POLN: variants seen among roughly 807,000 people sequenced by gnomAD.
POLN encodes the protein DNA polymerase N.
In POLN, 108 loss-of-function variants were observed where a neutral mutation model predicts 113.5. The ratio of observed to expected loss-of-function variants is 0.95; its 90% CI spans 0.81 to 1.12. The LOEUF (loss-of-function observed/expected upper bound fraction) is 1.12, where lower values mean the gene tolerates loss of function less well. Ranked by LOEUF, POLN falls within the 50% of genes most tolerant of loss-of-function variation. The pLI, the probability that POLN is intolerant of heterozygous loss-of-function variation, is 0.00. For synonymous variants in POLN, 386 were observed against 391.5 expected (o/e 0.99, Z 0.17); for missense variants, 1,097 against 1,077.1 (o/e 1.02, Z -0.26).
rs1268153572 is a variant in POLN, at chr4:2,179,473, GA to G, written c.1022-9del. 2 of 1,610,808 alleles carry G rather than the reference GA, an allele frequency of 1.2e-6. No individual in the cohort carries two copies. The highest frequency in any genetic ancestry group is 1.7e-5 in the Admixed American group (1 of 59,148). ...GCCCTATAAAATCAGCAACTGAAGA[GA>G]AAAAGGTCATTCAGTCATCCCAAGA... On this transcript the variant is annotated splice_polypyrimidine_tract_variant and intron_variant, in intron 7 of 25. Transcript: ENST00000511885.
chr4:2,241,663 A>T lies in POLN; in HGVS notation c.-156T>A. 1.0e-6 allele frequency: 1 copy of T among 985,436 alleles called. No individual in the cohort carries two copies. The highest frequency in any genetic ancestry group is 1.2e-6 in the Non-Finnish European group (1 of 829,916). The allele number at this position is 985,436 out of a possible 1,614,324, so 61.0% of individuals were successfully genotyped here. ...CCAGCGCTGAGGCAGCCCCGACGCC[A>T]GGGCCGCGCGAACCCCAGAGGCAGC... is the stretch of plus-strand genomic sequence containing the variant. On this transcript the variant is annotated 5_prime_UTR_variant, in exon 2 of 26. Transcript: ENST00000511885.
At chr4:2,134,566 G>C (rs1009136637) in intron 16 of POLN, among the ~76,000 whole-genome samples, 3 of 152,126 alleles carry the variant, frequency 2.0e-5, no homozygotes, top group Non-Finnish European at 4.4e-5. Context: ...CGTTCTAATA[G>C]GTATGTAGTG....
At chr4:2,240,102 C>T (rs1172396687) in intron 2 of POLN, 2 of 1,613,936 alleles carry the variant, frequency 1.2e-6, no homozygotes, top group Non-Finnish European at 1.7e-6. Context: ...GCTCGAATTA[C>T]TTGCTTTTAA....
At chr4:2,130,553 T>C (rs552966426) in intron 17 of POLN, among the ~76,000 whole-genome samples, 1 of 152,350 alleles carries the variant, frequency 6.6e-6, no homozygotes, top group Non-Finnish European at 1.5e-5. Flanking sequence ...CATGTGCTTT[T>C]TAATGAGCTC....
intron 2 of POLN, chr4:2,230,311 A>G (rs1734536089): frequency 6.6e-6 from 1 of 152,072 alleles, no homozygotes; most frequent in African/African-American, 2.4e-5. Flanking sequence ...TAACTAATAA[A>G]TCAAGCGTCT....
chr4:2,232,245 A>G, intron 2 of POLN: 1 of 620,548 alleles, frequency 1.6e-6, no homozygotes, highest in Non-Finnish European at 2.6e-6. Flanking sequence ...ACATGGAAAG[A>G]CTTTAAAGGA....
rs112759429 is a variant in POLN, at chr4:2,099,480, G to A, written c.1983-3547C>T. 5.9e-5 allele frequency among the ~76,000 whole-genome samples: 9 copies of A among 152,306 alleles called. 1 individual carries two copies. The highest frequency in any genetic ancestry group is 1.9e-4 in the African/African-American group (8 of 41,560). ...AACATCGGACAAACACCAATTGAGG[G>A]ACATTCTACAAAATACCTGACCAGT... On this transcript the variant is annotated intron_variant, in intron 19 of 25. Coordinates refer to ENST00000511885, the MANE Select transcript of POLN (RefSeq NM_181808.4).
chr4:2,192,958 C>T (rs893674199), intron 7 of POLN, among the ~76,000 whole-genome samples: 5 of 152,076 alleles, frequency 3.3e-5, no homozygotes, highest in Admixed American at 2.0e-4. Context: ...ACTGACCATG[C>T]TACATAAGTT....
chr4:2,165,617 T>C (rs56164125), intron 13 of POLN, among the ~76,000 whole-genome samples: 14,212 of 152,068 alleles, frequency 0.093, 1,089 homozygotes, highest in African/African-American at 0.2. Context: ...TAACGATGTA[T>C]CAGTGTGGGT....
chr4:2,108,079 C>T (rs557700265), intron 19 of POLN, among the ~76,000 whole-genome samples: 3 of 152,214 alleles, frequency 2.0e-5, no homozygotes, highest in Non-Finnish European at 4.4e-5. Flanking sequence ...CTCAGTCTCT[C>T]TTGACTTCTT....
chr4:2,211,738 T>G (rs1021081574), intron 4 of POLN, among the ~76,000 whole-genome samples: 1 of 151,700 alleles, frequency 6.6e-6, no homozygotes, highest in African/African-American at 2.4e-5. Context: ...GTTGCAGAGG[T>G]GGAGGTAGAG....
chr4:2,236,876 T>G (rs1445186824), intron 2 of POLN, among the ~76,000 whole-genome samples: 1 of 149,010 alleles, frequency 6.7e-6, no homozygotes, highest in Non-Finnish European at 1.5e-5. Context: ...ATAATAATAA[T>G]AATAATTATA....
At chr4:2,182,421 G>T (rs1411778403) in intron 7 of POLN, among the ~76,000 whole-genome samples, 1 of 152,150 alleles carries the variant, frequency 6.6e-6, no homozygotes, top group Non-Finnish European at 1.5e-5. Context: ...AGAGACTGGA[G>T]GGATGTGTCT....
At chr4:2,094,680 G>A (rs1038009033) in intron 20 of POLN, among the ~76,000 whole-genome samples, 15 of 152,162 alleles carry the variant, frequency 9.9e-5, no homozygotes, top group African/African-American at 3.6e-4. Flanking sequence ...TCCCATAGAG[G>A]GAAGAGTAGT....
intron 16 of POLN, among the ~76,000 whole-genome samples, chr4:2,150,556 T>C (rs926192466): frequency 1.3e-5 from 2 of 151,708 alleles, no homozygotes; most frequent in Non-Finnish European, 2.9e-5. Flanking sequence ...AAAAAAACAA[T>C]GTTGGAGGAC....
At position 2,179,415 on chromosome 4, in the gene POLN, G is replaced by A. The variant is rs1733078404; in HGVS notation, c.1072C>T (p.Pro358Ser). The A allele has an allele frequency of 6.2e-7, 1 of 1,613,700 alleles. No homozygotes were observed. Among genetic ancestry groups the A allele is most frequent in the Non-Finnish European group, 8.5e-7 (1 of 1,179,698 alleles). ...TCAAAAGAGGGTGTGGCATCACTAGGATCTATAAGCCATGCAGCAATTCTG... is the reference window on the plus strand; with the variant it reads ...TCAAAAGAGGGTGTGGCATCACTAGAATCTATAAGCCATGCAGCAATTCTG... Reference protein sequence around the residue: ...DPRIAAWLIDPSDATPSFEDL... With the variant: ...DPRIAAWLIDSSDATPSFEDL... Residue 358 changes from proline (P) to serine (S), a missense_variant, in exon 8 of 26, where the codon CCT becomes TCT. Physicochemically the swap from Pro to Ser is moderately conservative, Grantham distance 74. Transcript: ENST00000511885.
chr4:2,121,451 A>AT (rs1216990683), intron 19 of POLN, among the ~76,000 whole-genome samples: 283 of 92,650 alleles, frequency 3.1e-3, no homozygotes, highest in Non-Finnish European at 4.5e-3. Context: ...AAAAAAAAAA[A>AT]AATATATATA....
chr4:2,162,426 G>A (rs999001930), intron 13 of POLN, among the ~76,000 whole-genome samples: 37 of 152,064 alleles, frequency 2.4e-4, no homozygotes, highest in Non-Finnish European at 3.8e-4. Flanking sequence ...CTCCAGACGC[G>A]CCACCTTAAG....
chr4:2,144,683 A>G (rs769056694), intron 16 of POLN, among the ~76,000 whole-genome samples: 1 of 152,176 alleles, frequency 6.6e-6, no homozygotes, highest in Non-Finnish European at 1.5e-5. Flanking sequence ...CCACACCCCA[A>G]TAATCCGTTA....
Sources: gnomAD v4.1 joint callset for allele counts (sites outside exome capture counted in the v4.1 genomes callset) on GRCh38, gnomAD v4.1.1 for gene constraint, MANE v1.5 for transcripts, NCBI Gene and HGNC (gene_info 2026-07-23, HGNC 2026-07-21) for gene names.